The following PSD4 variants were observed in gnomAD, a reference collection of about 807,000 sequenced individuals.
PSD4 encodes the protein PH and SEC7 domain-containing protein 4.
Under a neutral mutation model 112.5 loss-of-function variants are expected in PSD4, and 59 were observed. That is an observed-to-expected ratio of 0.52 (90% CI 0.43 to 0.65). PSD4 has a LOEUF of 0.65. Ranked by LOEUF, PSD4 falls within the 30% of genes least tolerant of loss-of-function variation. The pLI is 0.00. For synonymous variants in PSD4, 533 were observed against 540.0 expected (o/e 0.99, Z 0.18); for missense variants, 1,267 against 1,352.6 (o/e 0.94, Z 0.99).
chr2:113,192,990 A>T, intron 6 of PSD4, 58 bp from the exon 7 acceptor site: 1 of 1,542,800 alleles, frequency 6.5e-7, no homozygotes, highest in Non-Finnish European at 8.9e-7. Context: ...GCCCCAGTGC[A>T]TCTGCAGCCC....
At chr2:113,192,334 A>T in intron 5 of PSD4, 46 bp from the exon 6 acceptor site, 1 of 1,581,790 alleles carries the variant, frequency 6.3e-7, no homozygotes, top group Non-Finnish European at 8.7e-7. Context: ...GCCACAACTG[A>T]CCTGCAAGAA....
At chr2:113,184,362 T>C (rs1043027015) in intron 2 of PSD4, among the ~76,000 whole-genome samples, 2 of 149,592 alleles carry the variant, frequency 1.3e-5, no homozygotes, top group Non-Finnish European at 3.0e-5. Context: ...TGGAGGTCCA[T>C]TTTCTCAGGA....
intron 10 of PSD4, among the ~76,000 whole-genome samples, chr2:113,195,249 C>T (rs1688571433): frequency 6.6e-6 from 1 of 151,942 alleles, no homozygotes; most frequent in Non-Finnish European, 1.5e-5. Context: ...CAACCTCCGC[C>T]TCCCGGGTTC....
At chr2:113,185,787 G>C (rs1420358044) in intron 4 of PSD4, 90 bp from the exon 5 acceptor site, 2 of 1,552,094 alleles carry the variant, frequency 1.3e-6, no homozygotes, top group Admixed American at 3.9e-5. Context: ...TCCAGGGGAG[G>C]AGCCCCAGGG....
Position 113,183,048 on chromosome 2 carries a change from G to C in PSD4, c.592G>C (p.Asp198His). 1 of 1,613,524 alleles carries C rather than the reference G, an allele frequency of 6.2e-7. No homozygotes were observed. The highest frequency in any genetic ancestry group is 8.5e-7 in the Non-Finnish European group (1 of 1,179,646). ...LPTPPVDLPGDTGLHSSPPEN... is the reference protein window; with the variant it reads ...LPTPPVDLPGHTGLHSSPPEN... ...CACGCCCCCTGTGGACCTCCCCGGG[G>C]ACACGGGCCTGCACTCCAGCCCACC... Residue 198 changes from aspartate to histidine, a missense_variant, in exon 2 of 17, where the codon GAC (aspartate) becomes CAC (histidine). Physicochemically the swap from Asp to His is moderately conservative, Grantham distance 81. Coordinates refer to ENST00000245796, the MANE Select transcript of PSD4 (RefSeq NM_012455.3).
At position 113,201,575 on chromosome 2, in the gene PSD4, G is replaced by C. The variant is rs1451070968; in HGVS notation, c.*160G>C. 5 of 1,016,938 alleles carry C rather than the reference G, an allele frequency of 4.9e-6. No individual in the cohort carries two copies. Among genetic ancestry groups the C allele is most frequent in the Admixed American group, 2.7e-5 (1 of 37,168 alleles). 63.0% of individuals were successfully genotyped at this position (1,016,938 alleles called of 1,614,324 possible). On this transcript the variant is annotated 3_prime_UTR_variant, in exon 17 of 17. Coordinates refer to ENST00000245796, the MANE Select transcript of PSD4 (RefSeq NM_012455.3). ...GTTTCCCTGTGGCCCTCATTCTTGTGCTCCCTGAAGCTTTCCTAATATTGC... is the reference window on the plus strand; with the variant it reads ...GTTTCCCTGTGGCCCTCATTCTTGTCCTCCCTGAAGCTTTCCTAATATTGC...
chr2:113,180,739 A>T (rs1688109091), intron 1 of PSD4, among the ~76,000 whole-genome samples: 1 of 152,160 alleles, frequency 6.6e-6, no homozygotes, highest in South Asian at 2.1e-4. Flanking sequence ...AGGCATGGTT[A>T]ACTGCATGTG....
chr2:113,199,068 G>A lies in PSD4; in HGVS notation c.2770-15G>A. 1.3e-6 allele frequency: 2 copies of A among 1,520,938 alleles called. No homozygotes were observed. Among genetic ancestry groups the A allele is most frequent in the Non-Finnish European group, 1.8e-6 (2 of 1,136,778 alleles). 94.2% of individuals were successfully genotyped at this position (1,520,938 alleles called of 1,614,324 possible). A position where few individuals can be genotyped will look rare whatever the true frequency, so the allele number is the denominator to read the frequency against. On this transcript the variant is annotated splice_polypyrimidine_tract_variant and intron_variant, in intron 15 of 16. Coordinates refer to ENST00000245796, the MANE Select transcript of PSD4 (RefSeq NM_012455.3). ...GACGCCCGGGACAGCGCCCCTCACC[G>A]CCCGCTGCTCGCAGGAGGAGCAGCA...
chr2:113,194,036 G>T, intron 10 of PSD4, 88 bp downstream of exon 10: 1 of 1,316,676 alleles, frequency 7.6e-7, no homozygotes, highest in Non-Finnish European at 1.1e-6. Context: ...GCTTGGGACT[G>T]GCTTTGCCAA....
Position 113,193,662 on chromosome 2 carries a change from G to T in PSD4, c.2091+12G>T, listed in dbSNP as rs369791634. ...ACCTGCATGGACAGGTAAGACGGTG[G>T]AGAGAGTCCCTGTGGGAACTGAGGC... On this transcript the variant is annotated intron_variant, in intron 9 of 16. Transcript: ENST00000245796. 13 of 1,611,392 alleles carry T rather than the reference G, an allele frequency of 8.1e-6. No homozygotes were observed. The highest frequency in any genetic ancestry group is 1.0e-5 in the Non-Finnish European group (12 of 1,177,622).
At position 113,193,641 on chromosome 2, in the gene PSD4, G is replaced by A. The variant is rs1314977075; in HGVS notation, c.2082G>A (p.Leu694=). Residue 694 remains leucine, a synonymous_variant, in exon 9 of 17, where the codon CTG becomes CTA. Coordinates refer to ENST00000245796, the MANE Select transcript of PSD4 (RefSeq NM_012455.3). Reference sequence around the variant, plus strand: ...CAATCATGCTGCTTAACACGGACCTGCATGGACAGGTAAGACGGTGGAGAG... The same window carrying A: ...CAATCATGCTGCTTAACACGGACCTACATGGACAGGTAAGACGGTGGAGAG... The part of the protein sequence containing the change: ...TCAIMLLNTD[L]HGQNIGKSMS... 4.3e-6 allele frequency: 7 copies of A among 1,613,540 alleles called. No homozygotes were observed. The highest frequency in any genetic ancestry group is 2.2e-5 in the East Asian group (1 of 44,868).
At chr2:113,193,188 A>G in intron 7 of PSD4, 60 bp downstream of exon 7, 1 of 1,602,230 alleles carries the variant, frequency 6.2e-7, no homozygotes, top group South Asian at 1.1e-5. Context: ...CAGTGGCACC[A>G]GCCTGAGGCT....
In PSD4 at chr2:113,186,239, C is replaced by A. The variant is rs758766311; in HGVS notation, c.1612C>A (p.Leu538Met). ...TGGAGACGTCCAGCCTGACATTCAC[C>A]TGACTTCTGCAGAACAGTAAGTCTC... ...ETGDVQPDIH[L>M]TSAEHENLRT... Residue 538 changes from leucine to methionine, a missense_variant, in exon 5 of 17, where the codon CTG becomes ATG. By Grantham distance (15) the Leu-to-Met change is conservative. This residue lies in a region of PSD4 where 723 missense variants were observed against 704.0 expected (regional missense o/e 1.03). Transcript: ENST00000245796. 3 of 1,590,258 alleles carry A rather than the reference C, an allele frequency of 1.9e-6. No homozygotes were observed. Among genetic ancestry groups the A allele is most frequent in the Middle Eastern group, 3.4e-4 (2 of 5,880 alleles).
intron 5 of PSD4, among the ~76,000 whole-genome samples, chr2:113,188,729 C>T (rs1383881935): frequency 3.9e-5 from 6 of 152,144 alleles, no homozygotes; most frequent in Non-Finnish European, 5.9e-5. Flanking sequence ...TACAGGCGCC[C>T]GCCACTGCGC....
At position 113,185,830 on chromosome 2, in the gene PSD4, C is replaced by T. The variant is rs1688282916; in HGVS notation, c.1250-47C>T. ...CTCTGGAGGTGGTGCCCAGGCCGTT[C>T]TCCTGCCTCCTGCCCTGTGCCCGCC... On this transcript the variant is annotated intron_variant, in intron 4 of 16. Transcript: ENST00000245796. The T allele has an allele frequency of 3.8e-6, 6 of 1,579,704 alleles. No homozygotes were observed. The East Asian group carries it at 1.4e-4, about 37-fold the overall frequency.
chr2:113,189,582 G>A (rs1688396437), intron 5 of PSD4, among the ~76,000 whole-genome samples: 1 of 152,112 alleles, frequency 6.6e-6, no homozygotes. Context: ...GTTCTTTAAG[G>A]AATCTCCACA....
At chr2:113,194,773 T>C (rs1688549073) in intron 10 of PSD4, among the ~76,000 whole-genome samples, 1 of 152,224 alleles carries the variant, frequency 6.6e-6, no homozygotes, top group Non-Finnish European at 1.5e-5. Flanking sequence ...TTAAAAATGA[T>C]ACATCTGTAT....
chr2:113,180,513 G>A (rs990661689), intron 1 of PSD4, among the ~76,000 whole-genome samples: 5 of 152,178 alleles, frequency 3.3e-5, no homozygotes, highest in African/African-American at 9.7e-5. Flanking sequence ...CCTGGACGAG[G>A]CCACCTGGGC....
intron 5 of PSD4, among the ~76,000 whole-genome samples, chr2:113,190,580 G>A (rs184506349): frequency 8.1e-4 from 124 of 152,186 alleles, no homozygotes; most frequent in Admixed American, 1.4e-3. Flanking sequence ...GACCACAGGC[G>A]TGTATCACTA....
Sources: allele counts gnomAD v4.1 joint callset (sites outside exome capture counted in the v4.1 genomes callset), GRCh38; gene constraint gnomAD v4.1.1; regional missense constraint gnomAD v4.1.1; transcripts MANE v1.5; gene names NCBI Gene and HGNC (gene_info 2026-07-23, HGNC 2026-07-21).